IQGAP2: variants seen among roughly 807,000 people sequenced by gnomAD.
IQGAP2 encodes the protein IQ motif containing GTPase activating protein 2.
Under a neutral mutation model 201.3 loss-of-function variants are expected in IQGAP2, and 173 were observed. That is an observed-to-expected ratio of 0.86 (90% CI 0.76 to 0.98). The LOEUF (loss-of-function observed/expected upper bound fraction) is 0.98. Among genes scored for constraint, IQGAP2 ranks in the 50% least tolerant of loss-of-function variants. IQGAP2 has a pLI of 0.00. For missense variants in IQGAP2, 1,687 were observed against 1,864.8 expected (o/e 0.90, Z 1.76); for synonymous variants, 675 against 673.9 (o/e 1.00, Z -0.03).
intron 1 of IQGAP2, among the ~76,000 whole-genome samples, chr5:76,426,905 G>GGGGTGT (rs1554054705): frequency 4.8e-5 from 7 of 146,698 alleles, no homozygotes; most frequent in South Asian, 2.2e-4. Flanking sequence ...AACCATGGAG[G>GGGGTGT]GTGTGTGTGT....
chr5:76,438,040 T>TG (rs1489053528), intron 1 of IQGAP2, among the ~76,000 whole-genome samples: 2,868 of 147,150 alleles, frequency 0.019, 112 homozygotes, highest in African/African-American at 0.065. Flanking sequence ...TGTTTGTTTT[T>TG]TTTTTTGTTT....
intron 2 of IQGAP2, among the ~76,000 whole-genome samples, chr5:76,535,473 C>T (rs1355126597): frequency 6.6e-6 from 1 of 152,194 alleles, no homozygotes; most frequent in South Asian, 2.1e-4. Flanking sequence ...AGGGCCCTCA[C>T]TGCCAAATGA....
At chr5:76,587,169 G>C (rs796309592) in intron 5 of IQGAP2, among the ~76,000 whole-genome samples, 53 of 152,158 alleles carry the variant, frequency 3.5e-4, no homozygotes, top group African/African-American at 1.2e-3. Flanking sequence ...GTTAACCAAA[G>C]GTCAAATTCT....
chr5:76,558,337 A>T (rs1184869367), intron 2 of IQGAP2, among the ~76,000 whole-genome samples: 1 of 152,088 alleles, frequency 6.6e-6, no homozygotes, highest in Non-Finnish European at 1.5e-5. Flanking sequence ...CCAGGTTGTT[A>T]TAAAGCATTC....
intron 27 of IQGAP2, among the ~76,000 whole-genome samples, chr5:76,676,879 A>G (rs951416304): frequency 1.3e-5 from 2 of 152,216 alleles, no homozygotes. Flanking sequence ...TCTTAGATCA[A>G]GAATTATCAT....
chr5:76,510,568 C>T, intron 2 of IQGAP2: 1 of 464,354 alleles, frequency 2.2e-6, no homozygotes, highest in South Asian at 1.6e-5. Context: ...GTCTCATGGA[C>T]ACGATCTGGA....
At chr5:76,561,104 A>T (rs1744333104) in intron 2 of IQGAP2, among the ~76,000 whole-genome samples, 1 of 152,146 alleles carries the variant, frequency 6.6e-6, no homozygotes, top group African/African-American at 2.4e-5. Context: ...ATAGCATGAG[A>T]TTTCATCACA....
intron 5 of IQGAP2, among the ~76,000 whole-genome samples, chr5:76,588,277 C>T (rs1421067138): frequency 1.3e-5 from 2 of 152,126 alleles, no homozygotes; most frequent in African/African-American, 4.8e-5. Context: ...GATGCCAGCT[C>T]TCAAGTTCTT....
In IQGAP2 at chr5:76,503,535, A is replaced by G. The variant is rs191758672; in HGVS notation, c.146+41866A>G. Among the ~76,000 whole-genome samples, 327 of 151,548 alleles carry G rather than the reference A, an allele frequency of 2.2e-3. 1 individual carries two copies. Among genetic ancestry groups the G allele is most frequent in the African/African-American group, 7.7e-3 (317 of 41,326 alleles). On this transcript the variant is annotated intron_variant, in intron 2 of 35. Transcript: ENST00000274364. ...GGTATAGATTGAGTTTTGTTGTCATACCTTCCTGTGTTTGTGGAGTCTTAG... is the reference window on the plus strand; with the variant it reads ...GGTATAGATTGAGTTTTGTTGTCATGCCTTCCTGTGTTTGTGGAGTCTTAG...
chr5:76,425,822 G>A (rs758541534), intron 1 of IQGAP2, among the ~76,000 whole-genome samples: 15 of 152,150 alleles, frequency 9.9e-5, no homozygotes, highest in Non-Finnish European at 2.1e-4. Context: ...GAGCCTCTGA[G>A]CTCCATAACA....
At chr5:76,455,470 A>C (rs979101467) in intron 1 of IQGAP2, among the ~76,000 whole-genome samples, 2 of 151,668 alleles carry the variant, frequency 1.3e-5, no homozygotes, top group Non-Finnish European at 1.5e-5. Flanking sequence ...AAAAAAAAAA[A>C]AAAAAGAGAA....
At chr5:76,640,231 C>T (rs1481737802) in intron 16 of IQGAP2, among the ~76,000 whole-genome samples, 1 of 152,172 alleles carries the variant, frequency 6.6e-6, no homozygotes, top group East Asian at 1.9e-4. Context: ...AGTTAACCAA[C>T]CATTAATTCC....
intron 2 of IQGAP2, among the ~76,000 whole-genome samples, chr5:76,472,597 A>G (rs1168809588): frequency 6.6e-6 from 1 of 152,202 alleles, no homozygotes. Flanking sequence ...TCTGTCTGCC[A>G]AGCCTAGGCT....
intron 5 of IQGAP2, among the ~76,000 whole-genome samples, chr5:76,578,307 G>A (rs16873484): frequency 0.021 from 2,798 of 131,350 alleles, 84 homozygotes; most frequent in African/African-American, 0.08. Context: ...TCACCTTAGC[G>A]GTGGATGGCA....
At chr5:76,624,880 C>A (rs912347340) in intron 13 of IQGAP2, among the ~76,000 whole-genome samples, 1 of 152,068 alleles carries the variant, frequency 6.6e-6, no homozygotes, top group African/African-American at 2.4e-5. Flanking sequence ...TTGAGACCAG[C>A]CTGACCAACA....
intron 10 of IQGAP2, among the ~76,000 whole-genome samples, chr5:76,599,967 A>G (rs1747317131): frequency 1.3e-5 from 2 of 152,182 alleles, no homozygotes; most frequent in African/African-American, 4.8e-5. Context: ...GATAAGCTAA[A>G]TCCAGATTTT....
chr5:76,532,177 A>C (rs1759338734), intron 2 of IQGAP2, among the ~76,000 whole-genome samples: 1 of 152,180 alleles, frequency 6.6e-6, no homozygotes, highest in South Asian at 2.1e-4. Flanking sequence ...CTGTGTGTTT[A>C]TGTAAATAAA....
At chr5:76,489,106 GC>G (rs1756359346) in intron 2 of IQGAP2, among the ~76,000 whole-genome samples, 1 of 152,140 alleles carries the variant, frequency 6.6e-6, no homozygotes, top group African/African-American at 2.4e-5. Context: ...GCTTGACACA[GC>G]CTTGTCTTCT....
intron 2 of IQGAP2, among the ~76,000 whole-genome samples, chr5:76,486,448 A>G (rs1409174168): frequency 6.6e-6 from 1 of 152,208 alleles, no homozygotes; most frequent in Non-Finnish European, 1.5e-5. Flanking sequence ...ATATTAATAT[A>G]CTGCTTTATG....
Sources: allele counts gnomAD v4.1 joint callset (sites outside exome capture counted in the v4.1 genomes callset), GRCh38; gene constraint gnomAD v4.1.1; transcripts MANE v1.5; gene names NCBI Gene and HGNC (gene_info 2026-07-23, HGNC 2026-07-21).